NOMO3: variants seen among roughly 807,000 people sequenced by gnomAD.
NOMO3 encodes BOS complex subunit NOMO3.
In NOMO3, 15 loss-of-function variants were observed where a neutral mutation model predicts 69.9. The observed-to-expected ratio is 0.21, with a 90% CI of 0.14 to 0.33. The LOEUF (loss-of-function observed/expected upper bound fraction) is 0.33. Ranked by LOEUF, NOMO3 falls within the 10% of genes least tolerant of loss-of-function variation. NOMO3 has a pLI of 1.00. For missense variants in NOMO3, 218 were observed against 761.0 expected, an observed-to-expected ratio of 0.29 and a Z score of 8.39; for synonymous variants, 89 against 301.9, an observed-to-expected ratio of 0.29 and a Z score of 7.31.
At chr16:16,243,867 G>T (rs1284435819) in intron 4 of NOMO3, among the ~76,000 whole-genome samples, 1 of 143,332 alleles carries the variant, frequency 7.0e-6, no homozygotes, top group Non-Finnish European at 1.5e-5. Flanking sequence ...CAGGGATGCC[G>T]AATTGGAAGG....
At chr16:16,242,901 A>C (rs1243813160) in intron 3 of NOMO3, among the ~76,000 whole-genome samples, 5 of 142,694 alleles carry the variant, frequency 3.5e-5, no homozygotes, top group Non-Finnish European at 7.5e-5. Context: ...AAGGCGTTGT[A>C]AAATTATTTT....
intron 11 of NOMO3, among the ~76,000 whole-genome samples, chr16:16,256,367 C>T (rs2049512439): frequency 8.6e-6 from 1 of 116,466 alleles, no homozygotes; most frequent in Non-Finnish European, 1.6e-5. Flanking sequence ...CCTCTGCCTC[C>T]CAGGTTCAAG....
chr16:16,236,270 A>T lies in NOMO3; in HGVS notation c.166-631A>T, dbSNP rs1237316081. Among the ~76,000 whole-genome samples, 2 of 144,410 alleles carry T rather than the reference A, an allele frequency of 1.4e-5. 1 individual carries two copies. Among genetic ancestry groups the T allele is most frequent in the African/African-American group, 5.6e-5 (2 of 35,966 alleles). 94.7% of individuals were successfully genotyped at this position (144,410 alleles called of 152,430 possible). ...TATTTTATTATTATTTTTGAGACGG[A>T]GTCTTGCTCTGTCTCCCAGGCTGGA... On this transcript the variant is annotated intron_variant, in intron 1 of 30. Transcript: ENST00000399336.
At chr16:16,267,487 T>G (rs1226282661) in intron 16 of NOMO3, among the ~76,000 whole-genome samples, 3 of 143,186 alleles carry the variant, frequency 2.1e-5, no homozygotes. Flanking sequence ...CAGGCTGGAG[T>G]GTAGTGGCTC....
intron 9 of NOMO3, among the ~76,000 whole-genome samples, chr16:16,253,212 G>A (rs1196920927): frequency 7.1e-6 from 1 of 139,986 alleles, no homozygotes; most frequent in Non-Finnish European, 1.5e-5. Context: ...AAGGTGATAA[G>A]TGTTCTCTAG....
At chr16:16,262,994 A>G in intron 12 of NOMO3, 80 bp from the exon 13 acceptor site, 3 of 1,555,966 alleles carry the variant, frequency 1.9e-6, no homozygotes, top group Non-Finnish European at 1.7e-6. Flanking sequence ...TTGGTCCCAG[A>G]TGAATGTTCT....
intron 15 of NOMO3, among the ~76,000 whole-genome samples, chr16:16,266,000 T>G (rs1394670022): frequency 5.5e-5 from 8 of 145,488 alleles, no homozygotes; most frequent in Admixed American, 1.3e-4. Flanking sequence ...CCACCTTCTC[T>G]GGTGTATTTG....
At position 16,236,180 on chromosome 16, in the gene NOMO3, C is replaced by G. The variant is rs908354151; in HGVS notation, c.166-721C>G. The stretch of plus-strand genomic sequence containing the variant: ...AGAGTTAGTAAGGAAGATTTCTGGC[C>G]CTCATTGCAGACCTTTAGTTGAGAA... On this transcript the variant is annotated intron_variant, in intron 1 of 30. Transcript: ENST00000399336. 1.0e-4 allele frequency among the ~76,000 whole-genome samples: 15 copies of G among 145,708 alleles called. 1 individual carries two copies. The highest frequency in any genetic ancestry group is 4.4e-4 in the South Asian group (2 of 4,542).
At chr16:16,237,541 T>G (rs2049336691) in intron 2 of NOMO3, among the ~76,000 whole-genome samples, 1 of 142,726 alleles carries the variant, frequency 7.0e-6, no homozygotes, top group African/African-American at 2.8e-5. Context: ...AAAGGTTTTT[T>G]TTGTTGTTTT....
In NOMO3 at chr16:16,258,471, G is replaced by A. The variant is rs1038943233; in HGVS notation, c.1220+2313G>A. On this transcript the variant is annotated intron_variant, in intron 11 of 30. Transcript: ENST00000399336. ...AGGAAGGACCTGAAAGGCAGTCTGC[G>A]CAGCTGGAGGAGGTGGGTGAGGTCA... 1.7e-4 allele frequency among the ~76,000 whole-genome samples: 24 copies of A among 137,988 alleles called. 2 individuals are homozygous for A. The highest frequency in any genetic ancestry group is 1.9e-4 in the Non-Finnish European group (13 of 66,772). 90.5% of individuals were successfully genotyped at this position (137,988 alleles called of 152,430 possible). A position where few individuals can be genotyped will look rare whatever the true frequency, so the allele number is the denominator to read the frequency against.
intron 1 of NOMO3, chr16:16,235,953 G>A (rs1329627802): frequency 2.6e-6 from 1 of 387,310 alleles, no homozygotes. Context: ...CACGCAACAC[G>A]TGGAAGACTC....
chr16:16,234,808 G>A (rs2049313392), intron 1 of NOMO3, among the ~76,000 whole-genome samples: 1 of 150,458 alleles, frequency 6.6e-6, no homozygotes, highest in Non-Finnish European at 1.5e-5. Flanking sequence ...CTCTAACAGG[G>A]ACCTTACTGT....
Position 16,261,077 on chromosome 16 carries a change from T to TG in NOMO3, c.1221-424dup, listed in dbSNP as rs1181706941. 3 of 176,778 alleles carry TG rather than the reference T, an allele frequency of 1.7e-5. 1 individual carries two copies. Among genetic ancestry groups the TG allele is most frequent in the African/African-American group, 8.3e-5 (3 of 36,092 alleles). 11.0% of individuals were successfully genotyped at this position (176,778 alleles called of 1,614,324 possible). A position where few individuals can be genotyped will look rare whatever the true frequency, so the allele number is the denominator to read the frequency against. ...CCTGACTTATTTGATGGCCTGGTAA[T>TG]GCCACAGTTTCTTAGGCAGCTTAGA... On this transcript the variant is annotated intron_variant, in intron 11 of 30. Transcript: ENST00000399336.
chr16:16,265,941 C>T (rs1141487), intron 15 of NOMO3, among the ~76,000 whole-genome samples: 51 of 141,892 alleles, frequency 3.6e-4, no homozygotes, highest in African/African-American at 5.6e-4. Context: ...GGGATCCACC[C>T]GCGTTGGCCT....
At chr16:16,252,935 G>A (rs1184390548) in intron 9 of NOMO3, among the ~76,000 whole-genome samples, 1 of 135,662 alleles carries the variant, frequency 7.4e-6, no homozygotes, top group Non-Finnish European at 1.5e-5. Flanking sequence ...CAGGGTTCAA[G>A]TGATCCTCCC....
At chr16:16,265,584 G>T (rs1450995843) in intron 15 of NOMO3, among the ~76,000 whole-genome samples, 11 of 120,188 alleles carry the variant, frequency 9.2e-5, no homozygotes, top group African/African-American at 4.1e-4. Flanking sequence ...ACCCTCTTAG[G>T]TATCAAAGTG....
At chr16:16,274,298 GATGA>G (rs1205538100) in intron 20 of NOMO3, among the ~76,000 whole-genome samples, 17,495 of 127,100 alleles carry the variant, frequency 0.14, 1,071 homozygotes, top group Non-Finnish European at 0.17. Flanking sequence ...TGGATGGATG[GATGA>G]ATGAATGATT....
In NOMO3 at chr16:16,255,807, C is replaced by G; in HGVS notation, c.1051C>G (p.Leu351Val). The G allele has an allele frequency of 3.8e-6, 6 of 1,561,236 alleles. 1 individual carries two copies. Among genetic ancestry groups the G allele is most frequent in the Non-Finnish European group, 5.2e-6 (6 of 1,163,288 alleles). The change falls in exon 10 of 31, where the codon CTG (leucine) becomes GTG (valine). Residue 351 changes from leucine to valine, a missense_variant. By Grantham distance (32) the Leu-to-Val change is conservative. Coordinates refer to ENST00000399336, the MANE Select transcript of NOMO3 (RefSeq NM_001004067.4). The stretch of plus-strand genomic sequence containing the variant: ...TGGTGTTCCAGAAGCAGTAGTCACC[C>G]TGAATAACCAAATCAAAGGTGGGCT... Reference protein sequence around the residue: ...GDGVPEAVVTLNNQIKVKTKA... With the variant: ...GDGVPEAVVTVNNQIKVKTKA...
chr16:16,265,312 T>C, intron 15 of NOMO3, 133 bp downstream of exon 15: 1 of 1,550,858 alleles, frequency 6.4e-7, no homozygotes, highest in Non-Finnish European at 8.7e-7. Context: ...CTCACCCACC[T>C]GTTACGCAAC....
Sources: gnomAD v4.1 joint callset for allele counts (sites outside exome capture counted in the v4.1 genomes callset) on GRCh38, gnomAD v4.1.1 for gene constraint, MANE v1.5 for transcripts, NCBI Gene and HGNC (gene_info 2026-07-23, HGNC 2026-07-21) for gene names.